ZSCAN18: variants seen among roughly 807,000 people sequenced by gnomAD.
ZSCAN18 encodes the protein zinc finger and SCAN domain-containing protein 18.
Under a neutral mutation model 31.1 loss-of-function variants are expected in ZSCAN18, and 16 were observed. The observed-to-expected ratio is 0.51, with a 90% CI of 0.35 to 0.78. The LOEUF is 0.78. Ranked by LOEUF, ZSCAN18 falls within the 30% of genes least tolerant of loss-of-function variation. The probability of loss-of-function intolerance (pLI) is 0.01; values close to 1 mark genes in which losing one functional copy is unlikely to be tolerated. For synonymous variants in ZSCAN18, 375 were observed against 320.7 expected (o/e 1.17, Z -1.81); for missense variants, 731 against 697.4 (o/e 1.05, Z -0.54).
intron 1 of ZSCAN18, chr19:58,093,196 C>G (rs1456687833): frequency 6.6e-6 from 1 of 152,404 alleles, no homozygotes; most frequent in African/African-American, 2.4e-5. Flanking sequence ...TTTTACCTCC[C>G]TACTGACCGC....
intron 1 of ZSCAN18, among the ~76,000 whole-genome samples, chr19:58,096,856 TA>T (rs1243860562): frequency 6.6e-6 from 1 of 151,556 alleles, no homozygotes; most frequent in East Asian, 1.9e-4. Flanking sequence ...AAACATGGAG[TA>T]AGGGTCGTCG....
intron 5 of ZSCAN18, chr19:58,086,640 T>G: frequency 2.0e-6 from 1 of 497,740 alleles, no homozygotes. Flanking sequence ...GCAAGGAGGG[T>G]GGCAATGTGG....
At chr19:58,097,250 G>C (rs940645974) in intron 1 of ZSCAN18, among the ~76,000 whole-genome samples, 3 of 152,106 alleles carry the variant, frequency 2.0e-5, no homozygotes, top group Non-Finnish European at 4.4e-5. Flanking sequence ...CAGGGAGAGA[G>C]AAGACAGGAG....
intron 1 of ZSCAN18, among the ~76,000 whole-genome samples, chr19:58,107,060 G>A (rs920749734): frequency 2.0e-5 from 3 of 151,902 alleles, no homozygotes; most frequent in Admixed American, 6.6e-5. Flanking sequence ...ACCGTGCCTG[G>A]CCAAGACATC....
Position 58,085,165 on chromosome 19 carries a change from C to A in ZSCAN18, c.1053G>T (p.Arg351Ser). 2 of 1,610,798 alleles carry A rather than the reference C, an allele frequency of 1.2e-6. No individual in the cohort carries two copies. The highest frequency in any genetic ancestry group is 1.7e-6 in the Non-Finnish European group (2 of 1,179,376). ...GGGCAGGCTGCTGGATGACGGACTGCCTCTGCGATCCGGTGGCAGAGTCGG... is the reference window on the plus strand; with the variant it reads ...GGGCAGGCTGCTGGATGACGGACTGACTCTGCGATCCGGTGGCAGAGTCGG... ...AESDSATGSQ[R>S]QSVIQQPAPD... Residue 351 changes from arginine to serine, a missense_variant, in exon 7 of 7, where the codon AGG (arginine) becomes AGT (serine). By Grantham distance (110) the Arg-to-Ser change is moderately radical (BLOSUM62 -1). Coordinates refer to ENST00000601144, the MANE Select transcript of ZSCAN18 (RefSeq NM_001145543.2).
chr19:58,107,841 C>T, intron 1 of ZSCAN18: 1 of 1,020,692 alleles, frequency 9.8e-7, no homozygotes. Context: ...GACACACTGG[C>T]ACAAGGTCGC....
rs774345803 is a variant in ZSCAN18, at chr19:58,085,044, C to A, written c.1174G>T (p.Ala392Ser). 48 of 1,595,234 alleles carry A rather than the reference C, an allele frequency of 3.0e-5. No individual in the cohort carries two copies. The African/African-American group carries it at 5.9e-4, about 20-fold the overall frequency. Residue 392 changes from alanine (A) to serine (S), a missense_variant, in exon 7 of 7, where the codon GCA (alanine) becomes TCA (serine). Ala to Ser is a moderately conservative substitution (Grantham distance 99). Around this residue, in one of 4 missense-constraint regions of ZSCAN18, gnomAD observed 597 missense variants for 499.5 expected, o/e 1.20. Transcript: ENST00000601144. ...GGGCCCTGCCCGGCCTCCAGCCCTG[C>A]GCTGTCGCCGGAGCTAGAGACGCCC... Reference protein sequence around the residue: ...LEGVSSSGDSAGLEAGQGPGA... With the variant: ...LEGVSSSGDSSGLEAGQGPGA...
intron 1 of ZSCAN18, among the ~76,000 whole-genome samples, chr19:58,117,855 AG>A (rs2074744359): frequency 6.6e-6 from 1 of 151,122 alleles, no homozygotes; most frequent in Admixed American, 6.6e-5. Context: ...CCACTAGGAG[AG>A]AGAGTTAGAG....
upstream of ZSCAN18, among the ~76,000 whole-genome samples, chr19:58,101,516 C>T (rs1345429901): frequency 7.7e-6 from 1 of 129,890 alleles, no homozygotes; most frequent in African/African-American, 2.9e-5. Flanking sequence ...ACTTTATCTT[C>T]TTCTTTTTTT....
At chr19:58,089,786 A>G in intron 2 of ZSCAN18, 79 bp downstream of exon 2, 2 of 1,506,570 alleles carry the variant, frequency 1.3e-6, no homozygotes, top group South Asian at 1.3e-5. Flanking sequence ...ATCTCAGGCA[A>G]GCCATGGCTG....
chr19:58,102,853 C>G (rs1021248867), upstream of ZSCAN18, among the ~76,000 whole-genome samples: 3 of 152,102 alleles, frequency 2.0e-5, no homozygotes, highest in African/African-American at 7.2e-5. Flanking sequence ...TGCCTGAGGC[C>G]TAGCACAGTG....
In ZSCAN18 at chr19:58,088,883, T is replaced by G. The variant is rs768099998; in HGVS notation, c.404-46A>C. 2.2e-5 allele frequency: 34 copies of G among 1,573,010 alleles called. No individual in the cohort carries two copies. In the Admixed American group the frequency reaches 5.9e-4, roughly 27 times the overall value. ...TGTGACCCCAAGAGGTCAGGACACG[T>G]GCCAACAACAATCACACAGTTAAAC... On this transcript the variant is annotated intron_variant, in intron 2 of 6. Coordinates refer to ENST00000601144, the MANE Select transcript of ZSCAN18 (RefSeq NM_001145543.2).
exon 1 of ZSCAN18, chr19:58,118,370 G>C (rs954221906): frequency 6.5e-7 from 1 of 1,533,206 alleles, no homozygotes; most frequent in East Asian, 2.6e-5. Context: ...TAGCGTCCTC[G>C]TCAGCTCGCC....
intron 1 of ZSCAN18, chr19:58,107,988 T>C: frequency 9.6e-7 from 1 of 1,041,882 alleles, no homozygotes; most frequent in Non-Finnish European, 1.2e-6. Context: ...CCTGAAAAGT[T>C]TGACACTGGT....
At chr19:58,087,661 T>TG (rs2074311031) in intron 3 of ZSCAN18, 1 of 450,418 alleles carries the variant, frequency 2.2e-6, no homozygotes, top group Non-Finnish European at 4.0e-6. Flanking sequence ...TTTGTTTGTT[T>TG]TTTAAAGACA....
At chr19:58,093,640 T>C (rs1352497399) in intron 1 of ZSCAN18, among the ~76,000 whole-genome samples, 1 of 152,226 alleles carries the variant, frequency 6.6e-6, no homozygotes, top group East Asian at 1.9e-4. Context: ...CAGCTCTTTC[T>C]GTCAACCAGT....
At chr19:58,114,662 A>C (rs2074715841) in intron 1 of ZSCAN18, among the ~76,000 whole-genome samples, 2 of 152,196 alleles carry the variant, frequency 1.3e-5, no homozygotes, top group South Asian at 4.1e-4. Flanking sequence ...ACGTATGCAC[A>C]AATATACATT....
intron 1 of ZSCAN18, chr19:58,108,727 T>A: frequency 1.0e-6 from 1 of 985,530 alleles, no homozygotes; most frequent in Non-Finnish European, 1.2e-6. Flanking sequence ...TGTGTCCCTA[T>A]CAAACACCTC....
At chr19:58,091,343 C>G (rs569695689) in intron 1 of ZSCAN18, among the ~76,000 whole-genome samples, 35 of 151,746 alleles carry the variant, frequency 2.3e-4, no homozygotes, top group African/African-American at 7.0e-4. Flanking sequence ...CAAGACTGTT[C>G]CTCCAGTTAA....
Sources: gnomAD v4.1 joint callset for allele counts (sites outside exome capture counted in the v4.1 genomes callset) on GRCh38, gnomAD v4.1.1 for gene constraint, gnomAD v4.1.1 regional missense constraint, MANE v1.5 for transcripts, NCBI Gene and HGNC (gene_info 2026-07-23, HGNC 2026-07-21) for gene names.